KCNIP4: variants seen among roughly 807,000 people sequenced by gnomAD.
KCNIP4 encodes potassium voltage-gated channel interacting protein 4.
In KCNIP4, 12 loss-of-function variants were observed where a neutral mutation model predicts 34.0. That is an observed-to-expected ratio of 0.35 (90% CI 0.23 to 0.57). KCNIP4 has a LOEUF of 0.57. Among genes scored for constraint, KCNIP4 ranks in the 20% least tolerant of loss-of-function variants. The pLI is 0.83. For missense variants in KCNIP4, 238 were observed against 311.7 expected (o/e 0.76, Z 1.78); for synonymous variants, 124 against 102.2 (o/e 1.21, Z -1.29).
chr4:21,041,262 A>ACG (rs1553930489), intron 1 of KCNIP4, among the ~76,000 whole-genome samples: 3,982 of 151,426 alleles, frequency 0.026, 153 homozygotes, highest in African/African-American at 0.09. Flanking sequence ...ACACACACAC[A>ACG]CACGCACATG....
At chr4:21,759,760 C>T (rs1000383331) in intron 1 of KCNIP4, among the ~76,000 whole-genome samples, 4 of 152,010 alleles carry the variant, frequency 2.6e-5, no homozygotes, top group African/African-American at 9.7e-5. Context: ...TGACAACCTA[C>T]GTTCCAAAAT....
intron 1 of KCNIP4, among the ~76,000 whole-genome samples, chr4:21,367,745 AC>A (rs1206770890): frequency 6.8e-6 from 1 of 147,406 alleles, no homozygotes; most frequent in Non-Finnish European, 1.5e-5. Context: ...TTAAAAGAAG[AC>A]ACATCACTAC....
At chr4:21,480,715 G>C (rs534839094) in intron 1 of KCNIP4, among the ~76,000 whole-genome samples, 1 of 152,038 alleles carries the variant, frequency 6.6e-6, no homozygotes, top group Admixed American at 6.6e-5. Flanking sequence ...AATATGTCTA[G>C]TTAAAATTAT....
At chr4:21,788,640 C>T (rs1161493755) in intron 1 of KCNIP4, among the ~76,000 whole-genome samples, 1 of 152,174 alleles carries the variant, frequency 6.6e-6, no homozygotes, top group African/African-American at 2.4e-5. Context: ...AGAAAAATCC[C>T]TACAAATACT....
intron 8 of KCNIP4, 97 bp downstream of exon 8, chr4:20,731,909 T>C (rs1748354414): frequency 6.5e-7 from 1 of 1,536,810 alleles, no homozygotes; most frequent in African/African-American, 1.4e-5. Context: ...AGGCATATGA[T>C]CTCTATATTT....
chr4:21,723,732 T>G (rs1412206516), intron 1 of KCNIP4, among the ~76,000 whole-genome samples: 1 of 152,112 alleles, frequency 6.6e-6, no homozygotes, highest in Non-Finnish European at 1.5e-5. Context: ...TTCCTAGCCT[T>G]TAGATCAACT....
At chr4:21,897,252 T>A (rs1394629416) in intron 1 of KCNIP4, among the ~76,000 whole-genome samples, 1 of 151,658 alleles carries the variant, frequency 6.6e-6, no homozygotes, top group Non-Finnish European at 1.5e-5. Context: ...GAATAAGAAT[T>A]TTTTTTTCCT....
At chr4:21,254,783 A>T (rs1159367755) in intron 1 of KCNIP4, among the ~76,000 whole-genome samples, 1 of 151,964 alleles carries the variant, frequency 6.6e-6, no homozygotes, top group Non-Finnish European at 1.5e-5. Context: ...AACTGGAAAA[A>T]CCTGTAACCA....
At chr4:21,822,732 T>TC (rs1403503369) in intron 1 of KCNIP4, among the ~76,000 whole-genome samples, 1 of 151,600 alleles carries the variant, frequency 6.6e-6, no homozygotes, top group Non-Finnish European at 1.5e-5. Context: ...TTTTTTTTTT[T>TC]TTTGAGATGG....
chr4:21,297,976 A>C (rs928141828), intron 1 of KCNIP4, among the ~76,000 whole-genome samples: 1 of 152,122 alleles, frequency 6.6e-6, no homozygotes, highest in African/African-American at 2.4e-5. Flanking sequence ...TTGGCGCTAC[A>C]ATAAAGATAT....
intron 1 of KCNIP4, among the ~76,000 whole-genome samples, chr4:20,923,344 G>A (rs142353035): frequency 1.1e-3 from 163 of 152,254 alleles, no homozygotes; most frequent in African/African-American, 3.8e-3. Flanking sequence ...TATTGTGTCA[G>A]CTTATAAATT....
chr4:21,021,980 C>T (rs1446590464), intron 1 of KCNIP4, among the ~76,000 whole-genome samples: 1 of 151,918 alleles, frequency 6.6e-6, no homozygotes, highest in African/African-American at 2.4e-5. Context: ...ATGGTGTGTG[C>T]TATGCTTTGA....
chr4:21,608,566 T>C (rs949533952), intron 1 of KCNIP4, among the ~76,000 whole-genome samples: 4 of 152,312 alleles, frequency 2.6e-5, no homozygotes, highest in African/African-American at 9.6e-5. Context: ...TTTTTGAGAA[T>C]CCATGTGATT....
chr4:21,132,980 C>T (rs532340751), intron 1 of KCNIP4, among the ~76,000 whole-genome samples: 31 of 151,428 alleles, frequency 2.0e-4, no homozygotes, highest in African/African-American at 6.8e-4. Flanking sequence ...GCCACTGCAC[C>T]CCAGCCTGGG....
intron 1 of KCNIP4, among the ~76,000 whole-genome samples, chr4:21,423,109 C>T (rs1455801651): frequency 6.6e-6 from 1 of 152,132 alleles, no homozygotes; most frequent in Admixed American, 6.6e-5. Flanking sequence ...CAAGAGATAG[C>T]ACCTGGACAA....
chr4:21,801,926 G>A (rs951170357), intron 1 of KCNIP4, among the ~76,000 whole-genome samples: 1 of 151,800 alleles, frequency 6.6e-6, no homozygotes, highest in Non-Finnish European at 1.5e-5. Context: ...TAGTAGGAAA[G>A]GGATAGAGAA....
intron 4 of KCNIP4, among the ~76,000 whole-genome samples, chr4:20,756,527 TCA>T (rs1754471272): frequency 6.6e-6 from 1 of 152,158 alleles, no homozygotes; most frequent in Non-Finnish European, 1.5e-5. Flanking sequence ...AGCACTATGA[TCA>T]GTTTCCTCAT....
chr4:21,305,286 G>A (rs112126435), intron 1 of KCNIP4, among the ~76,000 whole-genome samples: 1 of 152,148 alleles, frequency 6.6e-6, no homozygotes, highest in Admixed American at 6.5e-5. Context: ...AAACTCCAGG[G>A]ACAGACTGCT....
intron 1 of KCNIP4, among the ~76,000 whole-genome samples, chr4:21,283,322 T>C (rs1042046913): frequency 1.2e-4 from 18 of 152,148 alleles, no homozygotes; most frequent in African/African-American, 3.9e-4. Flanking sequence ...TTTTGAAATA[T>C]ACATTTTTCC....
Sources: allele counts gnomAD v4.1 joint callset (sites outside exome capture counted in the v4.1 genomes callset), GRCh38; gene constraint gnomAD v4.1.1; transcripts MANE v1.5; gene names NCBI Gene and HGNC (gene_info 2026-07-23, HGNC 2026-07-21).